C3orf49: variants seen among roughly 807,000 people sequenced by gnomAD.
The protein encoded by C3orf49 is chromosome 3 open reading frame 49, also known as putative uncharacterized protein C3orf49.
A neutral mutation model predicts 13.3 loss-of-function variants in C3orf49; 27 were observed. The observed-to-expected ratio is 2.02, with a 90% CI of 1.49 to 2.79. The LOEUF (loss-of-function observed/expected upper bound fraction) is 2.79, where lower values mean the gene tolerates loss of function less well. C3orf49 is among the 30% of genes most tolerant of loss of function. The pLI is 0.00. For missense variants in C3orf49, 242 were observed against 134.2 expected (o/e 1.80, Z -3.97); for synonymous variants, 87 against 47.6 (o/e 1.83, Z -3.40).
intron 3 of C3orf49, among the ~76,000 whole-genome samples, chr3:63,830,687 C>T (rs887357437): frequency 3.9e-5 from 6 of 152,092 alleles, no homozygotes; most frequent in Non-Finnish European, 5.9e-5. Context: ...ACGTGACTGC[C>T]GTGAAAATAA....
the C3orf49 span, among the ~76,000 whole-genome samples, chr3:63,792,809 T>G: frequency 6.6e-6 from 1 of 152,214 alleles, no homozygotes; most frequent in Non-Finnish European, 1.5e-5. Context: ...GTTTTTCTAC[T>G]AGGTGCAAAA....
chr3:63,781,421 C>T, the C3orf49 span, among the ~76,000 whole-genome samples: 1 of 152,096 alleles, frequency 6.6e-6, no homozygotes, highest in Non-Finnish European at 1.5e-5. Context: ...AGTCAGGTAA[C>T]GTGATGCCTC....
Position 63,823,471 on chromosome 3 carries a change from C to T in C3orf49, c.347C>T (p.Ala116Val), listed in dbSNP as rs1701424989. 1.4e-6 allele frequency: 1 copy of T among 703,130 alleles called. No individual in the cohort carries two copies. Among genetic ancestry groups the T allele is most frequent in the Non-Finnish European group, 2.6e-6 (1 of 385,046 alleles). The allele number at this position is 703,130 out of a possible 1,614,324, so 43.6% of individuals were successfully genotyped here. Residue 116 changes from alanine to valine, a missense_variant, in exon 2 of 7, where the codon GCC (alanine) becomes GTC (valine). Coordinates refer to ENST00000295896, the MANE Select transcript of C3orf49 (RefSeq NM_001355236.2). ...SQEGSTDHKE[A>V]LLSNTQSLLP... Reference sequence around the variant, plus strand: ...GAGGGCTCCACTGACCATAAAGAAGCCCTCCTGTCAAACACGCAGAGCCTT... The same window carrying T: ...GAGGGCTCCACTGACCATAAAGAAGTCCTCCTGTCAAACACGCAGAGCCTT...
At chr3:63,821,502 G>A (rs946387223) in intron 1 of C3orf49, among the ~76,000 whole-genome samples, 2 of 152,072 alleles carry the variant, frequency 1.3e-5, no homozygotes, top group African/African-American at 4.8e-5. Context: ...ATAGATAAAT[G>A]TTTATAGCAG....
intron 3 of C3orf49, among the ~76,000 whole-genome samples, chr3:63,828,326 G>A (rs1230643414): frequency 6.6e-6 from 1 of 152,162 alleles, no homozygotes; most frequent in Non-Finnish European, 1.5e-5. Context: ...TTGAGACAGA[G>A]TCTCACTCTG....
Position 63,831,120 on chromosome 3 carries a change from C to T in C3orf49, c.581C>T (p.Ser194Leu), listed in dbSNP as rs2107107519. Residue 194 changes from serine to leucine, a missense_variant, in exon 4 of 7, where the codon TCA (serine) becomes TTA (leucine). Transcript: ENST00000295896. The stretch of plus-strand genomic sequence containing the variant: ...GCATTTTTACCATAGGGGCCATATT[C>T]ACCAAAAAAGAGACCACACTTTCCA... ...LPSGLQKGPYSPKKRPHFPAL... is the reference protein window; with the variant it reads ...LPSGLQKGPYLPKKRPHFPAL... 1 of 700,430 alleles carries T rather than the reference C, an allele frequency of 1.4e-6. No homozygotes were observed. Among genetic ancestry groups the T allele is most frequent in the East Asian group, 2.7e-5 (1 of 37,186 alleles). The allele number at this position is 700,430 out of a possible 1,614,324, so 43.4% of individuals were successfully genotyped here.
chr3:63,831,787 T>C lies in C3orf49; in HGVS notation c.792T>C (p.Ser264=). Residue 264 remains serine (S), a synonymous_variant, in exon 5 of 7, where the codon TCT becomes TCC. Transcript: ENST00000295896. ...CEFLGDEILQ[S]SKQFQRISKR... The stretch of plus-strand genomic sequence containing the variant: ...TTCTGGGGGATGAAATTCTTCAGTC[T>C]TCTAAACAGTTCCAGAGGATATCCA... 1 of 703,032 alleles carries C rather than the reference T, an allele frequency of 1.4e-6. No individual in the cohort carries two copies. Among genetic ancestry groups the C allele is most frequent in the Non-Finnish European group, 2.6e-6 (1 of 385,016 alleles). 43.5% of individuals were successfully genotyped at this position (703,032 alleles called of 1,614,324 possible).
At chr3:63,847,070 G>A (rs529288291) in intron 6 of C3orf49, among the ~76,000 whole-genome samples, 122 of 152,150 alleles carry the variant, frequency 8.0e-4, no homozygotes, top group African/African-American at 2.7e-3. Flanking sequence ...GGAATGGATC[G>A]AAGAATTGCG....
At chr3:63,788,446 A>G in the C3orf49 span, among the ~76,000 whole-genome samples, 1 of 152,180 alleles carries the variant, frequency 6.6e-6, no homozygotes, top group East Asian at 1.9e-4. Context: ...TAAAGAATCT[A>G]GGTGGGTGAA....
the C3orf49 span, chr3:63,785,914 T>C: frequency 2.2e-4 from 33 of 152,152 alleles, no homozygotes; most frequent in African/African-American, 7.9e-4. Flanking sequence ...AAAATATTCA[T>C]GAAAAGGGAA....
chr3:63,831,217 A>G lies in C3orf49; in HGVS notation c.678A>G (p.Gln226=). Reference sequence around the variant, plus strand: ...CAGATTTGACAGTAGGAAAGCTTCAAATGCAGGTAGTGGACAAAGGCTTTT... The same window carrying G: ...CAGATTTGACAGTAGGAAAGCTTCAGATGCAGGTAGTGGACAAAGGCTTTT... ...RKSDLTVGKL[Q]MQVDDLIETV... The change falls in exon 4 of 7, where the codon CAA becomes CAG. Residue 226 remains glutamine (Q), a synonymous_variant. Transcript: ENST00000295896. 1.4e-6 allele frequency: 1 copy of G among 702,432 alleles called. No homozygotes were observed. The highest frequency in any genetic ancestry group is 2.7e-5 in the East Asian group (1 of 37,280). The allele number at this position is 702,432 out of a possible 1,614,324, so 43.5% of individuals were successfully genotyped here.
At chr3:63,838,075 GT>G in intron 5 of C3orf49, 1 of 1,577,372 alleles carries the variant, frequency 6.3e-7, no homozygotes, top group Non-Finnish European at 8.6e-7. Flanking sequence ...ATATGAGAAG[GT>G]TTTTTAAAAG....
the C3orf49 span, among the ~76,000 whole-genome samples, chr3:63,786,504 G>T: frequency 6.6e-6 from 1 of 152,110 alleles, no homozygotes; most frequent in African/African-American, 2.4e-5. Context: ...TTGTTTGTTT[G>T]CTTGTTGATG....
chr3:63,780,161 C>T, the C3orf49 span, among the ~76,000 whole-genome samples: 1 of 152,000 alleles, frequency 6.6e-6, no homozygotes, highest in Non-Finnish European at 1.5e-5. Context: ...CCAAAAAAGG[C>T]CCCGGTGTGT....
At chr3:63,820,233 G>A (rs1258875752) in intron 1 of C3orf49, among the ~76,000 whole-genome samples, 2 of 152,194 alleles carry the variant, frequency 1.3e-5, no homozygotes, top group African/African-American at 2.4e-5. Flanking sequence ...GAAGTGAGGT[G>A]TTTTAATGAG....
At chr3:63,824,130 A>G (rs1159384248) in intron 2 of C3orf49, among the ~76,000 whole-genome samples, 1 of 152,026 alleles carries the variant, frequency 6.6e-6, no homozygotes, top group African/African-American at 2.4e-5. Context: ...ATTGCCTTGG[A>G]GGTTCCTTCC....
rs534360606 is a variant in C3orf49 at position 63,848,204 on chromosome 3, T to C, written c.*31-160T>C. Among the ~76,000 whole-genome samples, 4 of 152,342 alleles carry C rather than the reference T, an allele frequency of 2.6e-5. No homozygotes were observed. The South Asian group carries it at 8.3e-4, about 32-fold the overall frequency. Reference sequence around the variant, plus strand: ...CTTCCCTTTCCAGGTCTTTTCCTGATCCAGGAGAGATTAAGAGTCTGGCAC... The same window carrying C: ...CTTCCCTTTCCAGGTCTTTTCCTGACCCAGGAGAGATTAAGAGTCTGGCAC... On this transcript the variant is annotated intron_variant, in intron 6 of 6. Transcript: ENST00000295896.
chr3:63,834,087 T>C (rs780863343), intron 5 of C3orf49: 3 of 1,591,520 alleles, frequency 1.9e-6, no homozygotes, highest in East Asian at 2.2e-5. Flanking sequence ...ATTATGGTCA[T>C]GTAGCTATTT....
intron 3 of C3orf49, among the ~76,000 whole-genome samples, chr3:63,828,146 T>C (rs560445043): frequency 6.6e-6 from 1 of 152,360 alleles, no homozygotes; most frequent in Non-Finnish European, 1.5e-5. Flanking sequence ...TGAAATCTGG[T>C]CAGTGCAACT....
Sources: allele counts gnomAD v4.1 joint callset (sites outside exome capture counted in the v4.1 genomes callset), GRCh38; gene constraint gnomAD v4.1.1; transcripts MANE v1.5; gene names NCBI Gene and HGNC (gene_info 2026-07-23, HGNC 2026-07-21).